Variants in TNRC6B observed in about 807,000 individuals in gnomAD.
The protein encoded by TNRC6B is trinucleotide repeat-containing gene 6B protein.
A neutral mutation model predicts 203.6 loss-of-function variants in TNRC6B; 52 were observed. That is an observed-to-expected ratio of 0.26 (90% confidence interval 0.20 to 0.32). TNRC6B has a LOEUF of 0.32. Ranked by LOEUF, TNRC6B falls within the 10% of genes least tolerant of loss-of-function variation. The pLI is 1.00. For synonymous variants in TNRC6B, 838 were observed against 845.7 expected (o/e 0.99, Z 0.16); for missense variants, 1,923 against 2,286.2 (o/e 0.84, Z 3.24).
At chr22:40,131,774 A>C (rs2068547059) in intron 3 of TNRC6B, among the ~76,000 whole-genome samples, 1 of 152,212 alleles carries the variant, frequency 6.6e-6, no homozygotes, top group South Asian at 2.1e-4. Context: ...GTATGACCTA[A>C]CAAATTTCTC....
chr22:40,177,405 T>G (rs528647210), upstream of TNRC6B, among the ~76,000 whole-genome samples: 8 of 152,354 alleles, frequency 5.3e-5, no homozygotes, highest in East Asian at 1.9e-4. Flanking sequence ...ATAAGTCACT[T>G]AACCTTTCTG....
intron 7 of TNRC6B, among the ~76,000 whole-genome samples, chr22:40,276,363 A>C (rs899036196): frequency 6.6e-6 from 1 of 151,872 alleles, no homozygotes; most frequent in Non-Finnish European, 1.5e-5. Context: ...CTATCATCAC[A>C]ACATAGAGAA....
At chr22:40,157,251 A>G (rs888575774) in intron 4 of TNRC6B, among the ~76,000 whole-genome samples, 18 of 152,146 alleles carry the variant, frequency 1.2e-4, no homozygotes, top group Admixed American at 4.6e-4. Context: ...AAGTACTGAC[A>G]TAACTACTAT....
At chr22:40,259,264 G>A (rs999024056) in intron 3 of TNRC6B, among the ~76,000 whole-genome samples, 4 of 151,754 alleles carry the variant, frequency 2.6e-5, no homozygotes, top group Non-Finnish European at 4.4e-5. Context: ...TTGCTCTGTG[G>A]CCCAGGCTGG....
At chr22:40,230,136 A>G (rs191287215) in intron 1 of TNRC6B, among the ~76,000 whole-genome samples, 74 of 152,284 alleles carry the variant, frequency 4.9e-4, no homozygotes, top group Admixed American at 9.2e-4. Flanking sequence ...TGCACATTCT[A>G]CAAGTACATG....
At chr22:40,051,770 A>C (rs1443218713) in intron 1 of TNRC6B, among the ~76,000 whole-genome samples, 2 of 152,250 alleles carry the variant, frequency 1.3e-5, no homozygotes, top group East Asian at 1.9e-4. Context: ...TAGTAGCTAC[A>C]TTAAAAAAGT....
At chr22:40,170,949 G>A (rs1273652122) in intron 4 of TNRC6B, among the ~76,000 whole-genome samples, 3 of 143,694 alleles carry the variant, frequency 2.1e-5, no homozygotes, top group African/African-American at 7.7e-5. Context: ...GTACATATAG[G>A]TGTATATATA....
intron 1 of TNRC6B, among the ~76,000 whole-genome samples, chr22:40,047,389 G>A (rs1195086638): frequency 6.6e-6 from 1 of 151,062 alleles, no homozygotes; most frequent in Non-Finnish European, 1.5e-5. Flanking sequence ...ATCACTTGAG[G>A]TCAGGAGTTG....
rs2070484523 is a variant in TNRC6B at position 40,266,615 on chromosome 22, T to C, written c.2385T>C (p.Gly795=). 1 of 1,610,928 alleles carries C rather than the reference T, an allele frequency of 6.2e-7. No homozygotes were observed. Among genetic ancestry groups the C allele is most frequent in the African/African-American group, 1.3e-5 (1 of 74,678 alleles). The change falls in exon 5 of 23, where the codon GGT becomes GGC. Residue 795 remains glycine, a synonymous_variant. Coordinates refer to ENST00000454349, the MANE Select transcript of TNRC6B (RefSeq NM_001162501.2). ...NGGNASLASK[G]GWEDCKRSPA... is the part of the protein sequence containing the mutation. ...GCAATGCAAGCCTAGCTTCAAAAGG[T>C]GGGTGGGAGGATTGCAAAAGATCCC...
At position 40,172,472 on chromosome 22, in the gene TNRC6B, G is replaced by A. The variant is rs184971913; in HGVS notation, c.113+16290G>A. Among the ~76,000 whole-genome samples, 9 of 152,300 alleles carry A rather than the reference G, an allele frequency of 5.9e-5. No homozygotes were observed. The East Asian group carries it at 1.3e-3, about 23-fold the overall frequency. On this transcript the variant is annotated intron_variant, in intron 4 of 23. Coordinates refer to the TNRC6B transcript ENST00000301923. ...TAGCTAGTTTAACTGTCCCTGTATCGTTGTAATTTAACCATCCTTGTATTG... is the reference window on the plus strand; with the variant it reads ...TAGCTAGTTTAACTGTCCCTGTATCATTGTAATTTAACCATCCTTGTATTG...
chr22:40,269,126 C>CTTT lies in TNRC6B; in HGVS notation c.2807-971_2807-969dup, dbSNP rs35575346. ...CTTAATTGCTTCATATACAGTATTT[C>CTTT]TTTTTTTTTTTTTTTTTTTTTTTTT... On this transcript the variant is annotated intron_variant, in intron 5 of 22. Coordinates refer to ENST00000454349, the MANE Select transcript of TNRC6B (RefSeq NM_001162501.2). 1.4e-4 allele frequency among the ~76,000 whole-genome samples: 8 copies of CTTT among 57,874 alleles called. 1 individual carries two copies. Among genetic ancestry groups the CTTT allele is most frequent in the African/African-American group, 2.0e-4 (3 of 15,342 alleles). 38.0% of individuals were successfully genotyped at this position (57,874 alleles called of 152,430 possible).
intron 1 of TNRC6B, among the ~76,000 whole-genome samples, chr22:40,055,956 A>G (rs990854553): frequency 6.6e-6 from 1 of 152,244 alleles, no homozygotes; most frequent in Admixed American, 6.5e-5. Flanking sequence ...CTGAGCTAAC[A>G]TTAATCTAAT....
intron 1 of TNRC6B, among the ~76,000 whole-genome samples, chr22:40,196,514 C>G (rs2069339184): frequency 6.6e-6 from 1 of 151,904 alleles, no homozygotes; most frequent in Non-Finnish European, 1.5e-5. Context: ...CTTGTTGGCA[C>G]CTTTATTTGG....
intron 3 of TNRC6B, among the ~76,000 whole-genome samples, chr22:40,155,645 G>A (rs1004676180): frequency 2.6e-5 from 4 of 152,204 alleles, no homozygotes; most frequent in Non-Finnish European, 5.9e-5. Context: ...GAGTGGATAA[G>A]AGTTGCTATT....
At position 40,331,787 on chromosome 22, in the gene TNRC6B, C is replaced by T. The variant is rs1238728510; in HGVS notation, c.*8546C>T. On this transcript the variant is annotated 3_prime_UTR_variant, in exon 23 of 23. Transcript: ENST00000454349. Reference sequence around the variant, plus strand: ...GAGGGCAGAAAGGGGAAGGGAGTAGCGTTGCATCCTTGTTCTTCAGTTTCT... The same window carrying T: ...GAGGGCAGAAAGGGGAAGGGAGTAGTGTTGCATCCTTGTTCTTCAGTTTCT... The T allele has an allele frequency of 1.1e-5, 4 of 362,816 alleles. No homozygotes were observed. Among genetic ancestry groups the T allele is most frequent in the Non-Finnish European group, 2.0e-5 (4 of 202,332 alleles). 22.5% of individuals were successfully genotyped at this position (362,816 alleles called of 1,614,324 possible).
chr22:40,259,368 C>T (rs941415900), intron 3 of TNRC6B, among the ~76,000 whole-genome samples: 3 of 152,048 alleles, frequency 2.0e-5, no homozygotes, highest in Non-Finnish European at 2.9e-5. Flanking sequence ...GGAATACAGG[C>T]GCATGCCACC....
At chr22:40,156,715 CTCT>C (rs1569001499) in intron 4 of TNRC6B, among the ~76,000 whole-genome samples, 1 of 149,826 alleles carries the variant, frequency 6.7e-6, no homozygotes. Context: ...AATTCAGGAT[CTCT>C]CCCCTAACTC....
intron 15 of TNRC6B, among the ~76,000 whole-genome samples, chr22:40,305,537 A>G (rs925323421): frequency 1.2e-4 from 18 of 152,204 alleles, no homozygotes; most frequent in Non-Finnish European, 8.8e-5. Context: ...AATTCCTTCC[A>G]TCAAAATGCA....
In TNRC6B at chr22:40,332,001, G is replaced by C. The variant is rs993964691; in HGVS notation, c.*8760G>C. ...TGGTTCAGGATTCTTGATCCTAGCCGTGCAGTGTTAATCCAGTGCAGCAAT... is the reference window on the plus strand; with the variant it reads ...TGGTTCAGGATTCTTGATCCTAGCCCTGCAGTGTTAATCCAGTGCAGCAAT... On this transcript the variant is annotated 3_prime_UTR_variant, in exon 23 of 23. Transcript: ENST00000454349. 7 of 202,098 alleles carry C rather than the reference G, an allele frequency of 3.5e-5. No individual in the cohort carries two copies. The highest frequency in any genetic ancestry group is 6.0e-5 in the Non-Finnish European group (6 of 100,704). The allele number at this position is 202,098 out of a possible 1,614,324, so 12.5% of individuals were successfully genotyped here.
Sources: allele counts gnomAD v4.1 joint callset (sites outside exome capture counted in the v4.1 genomes callset), GRCh38; gene constraint gnomAD v4.1.1; transcripts MANE v1.5; gene names NCBI Gene and HGNC (gene_info 2026-07-23, HGNC 2026-07-21).